The following SPINT2 variants were observed in gnomAD, a reference collection of about 807,000 sequenced individuals.
The protein encoded by SPINT2 is kunitz-type protease inhibitor 2.
A neutral mutation model predicts 30.1 loss-of-function variants in SPINT2; 18 were observed. The observed-to-expected ratio is 0.60, with a 90% CI of 0.41 to 0.89. The LOEUF (loss-of-function observed/expected upper bound fraction) is 0.89, where lower values mean the gene tolerates loss of function less well. Ranked by LOEUF, SPINT2 falls within the 40% of genes least tolerant of loss-of-function variation. The probability of loss-of-function intolerance (pLI) is 0.00; values close to 1 mark genes in which losing one functional copy is unlikely to be tolerated. For missense variants in SPINT2, 276 were observed against 334.3 expected (o/e 0.83, Z 1.36); for synonymous variants, 139 against 137.9 (o/e 1.01, Z -0.05).
At chr19:38,266,083 C>G (rs1343937407) in intron 1 of SPINT2, among the ~76,000 whole-genome samples, 1 of 152,164 alleles carries the variant, frequency 6.6e-6, no homozygotes, top group Non-Finnish European at 1.5e-5. Context: ...GAGGCAGTAG[C>G]CACACGGAGA....
chr19:38,287,853 G>C, intron 2 of SPINT2, 23 bp from the exon 3 acceptor site: 1 of 1,614,052 alleles, frequency 6.2e-7, no homozygotes, highest in Non-Finnish European at 8.5e-7. Context: ...CTTTCACTGT[G>C]CTGTTTCTTT....
chr19:38,265,705 T>C (rs1968369932), intron 1 of SPINT2: 1 of 152,332 alleles, frequency 6.6e-6, no homozygotes, highest in Non-Finnish European at 1.5e-5. Flanking sequence ...TTTGAACAAG[T>C]GTTGTTATAA....
intron 2 of SPINT2, among the ~76,000 whole-genome samples, chr19:38,285,215 G>A (rs1033939297): frequency 4.6e-5 from 7 of 152,116 alleles, no homozygotes; most frequent in East Asian, 1.9e-4. Context: ...TCCCAGCAGC[G>A]TGCCCTGGCT....
chr19:38,274,776 T>C (rs1294303934), intron 1 of SPINT2, among the ~76,000 whole-genome samples: 1 of 151,024 alleles, frequency 6.6e-6, no homozygotes, highest in Non-Finnish European at 1.5e-5. Context: ...GATCGCACTA[T>C]TGCATTCCAG....
intron 1 of SPINT2, among the ~76,000 whole-genome samples, chr19:38,268,238 G>A (rs1013342043): frequency 5.9e-5 from 9 of 152,168 alleles, no homozygotes; most frequent in Middle Eastern, 3.4e-3. Context: ...TGGACGGGCC[G>A]GACAAAGAGT....
chr19:38,266,001 G>A (rs1323379083), intron 1 of SPINT2, among the ~76,000 whole-genome samples: 2 of 152,234 alleles, frequency 1.3e-5, no homozygotes, highest in African/African-American at 2.4e-5. Context: ...AGATGTTGGG[G>A]GCGGCTTTAG....
Position 38,290,778 on chromosome 19 carries a change from A to G in SPINT2, c.592+203A>G, listed in dbSNP as rs1441640033. ...CAGTTGGGGCTGGAGTGAGTCAGTC[A>G]CAAGGCAGGCCCTGCCCAGGCGGCG... is the stretch of plus-strand genomic sequence containing the variant. On this transcript the variant is annotated intron_variant, in intron 6 of 6. Transcript: ENST00000301244. The surrounding 1 kb of genome is among the most constrained non-coding windows in gnomAD (Gnocchi z 4.3). The G allele has an allele frequency of 1.7e-5, 13 of 747,260 alleles. No homozygotes were observed. The highest frequency in any genetic ancestry group is 2.9e-5 in the Non-Finnish European group (13 of 447,014). 46.3% of individuals were successfully genotyped at this position (747,260 alleles called of 1,614,324 possible).
chr19:38,283,066 C>T (rs1316088910), intron 1 of SPINT2, among the ~76,000 whole-genome samples: 2 of 151,648 alleles, frequency 1.3e-5, no homozygotes, highest in Non-Finnish European at 1.5e-5. Flanking sequence ...GATCCCAGCA[C>T]TTTGGGAGGC....
At chr19:38,291,788 G>A in intron 6 of SPINT2, 52 bp from the exon 7 acceptor site, 1 of 1,599,356 alleles carries the variant, frequency 6.3e-7, no homozygotes. Context: ...GCGCCACTCT[G>A]GCTGCAACTC....
intron 1 of SPINT2, among the ~76,000 whole-genome samples, chr19:38,271,223 G>T (rs1182463919): frequency 1.3e-5 from 2 of 152,146 alleles, no homozygotes; most frequent in Non-Finnish European, 2.9e-5. Flanking sequence ...CGGGCGCGGT[G>T]GCTCATGCCT....
chr19:38,291,936 G>C lies in SPINT2; in HGVS notation c.689G>C (p.Arg230Pro). ...LIRVARRNQERALRTVWSSGD... is the reference protein window; with the variant it reads ...LIRVARRNQEPALRTVWSSGD... ...CGGGTGGCACGGAGGAACCAGGAGC[G>C]TGCCCTGCGCACCGTCTGGAGCTCC... Residue 230 changes from arginine to proline, a missense_variant, in exon 7 of 7, where the codon CGT becomes CCT. Arg to Pro is a moderately radical substitution (Grantham distance 103). Transcript: ENST00000301244. 1 of 1,614,084 alleles carries C rather than the reference G, an allele frequency of 6.2e-7. No individual in the cohort carries two copies.
chr19:38,269,789 T>C (rs1968429282), intron 1 of SPINT2, among the ~76,000 whole-genome samples: 1 of 135,338 alleles, frequency 7.4e-6, no homozygotes, highest in African/African-American at 2.9e-5. Context: ...TTTTGTATTT[T>C]TAGTAGAGAC....
intron 2 of SPINT2, among the ~76,000 whole-genome samples, chr19:38,287,336 C>T (rs139292423): frequency 0.029 from 4,445 of 152,264 alleles, 98 homozygotes; most frequent in East Asian, 0.085. Flanking sequence ...GTAGCTGGGA[C>T]TACAGGCGCG....
chr19:38,290,395 C>T lies in SPINT2; in HGVS notation c.553+115C>T. 6.3e-7 allele frequency: 1 copy of T among 1,580,516 alleles called. No individual in the cohort carries two copies. The highest frequency in any genetic ancestry group is 8.6e-7 in the Non-Finnish European group (1 of 1,162,080). ...GCTGTTCTTGGGCCCACCAGGGCAG[C>T]AAGGCCTCTAAGCCCCAGAAAAGCT... On this transcript the variant is annotated intron_variant, in intron 5 of 6. Transcript: ENST00000301244. The surrounding 1 kb of genome is among the most constrained non-coding windows in gnomAD (Gnocchi z 4.3).
intron 1 of SPINT2, chr19:38,265,449 C>G (rs3786872): frequency 0.21 from 32,299 of 153,348 alleles, 3,950 homozygotes; most frequent in South Asian, 0.37. Context: ...ACCCCTGCCT[C>G]TTTGGAGATT....
chr19:38,274,033 C>G (rs1968487500), intron 1 of SPINT2, among the ~76,000 whole-genome samples: 1 of 152,044 alleles, frequency 6.6e-6, no homozygotes, highest in Non-Finnish European at 1.5e-5. Flanking sequence ...GACTTCAATA[C>G]TAGTCTGGGC....
chr19:38,292,138 C>T lies in SPINT2; in HGVS notation c.*132C>T, dbSNP rs1306914914. ...GTTTCTCTGGGAGGTAGGACGGCTG[C>T]TTCCTGGTCTGGCAGGGATGGGTTT... On this transcript the variant is annotated 3_prime_UTR_variant, in exon 7 of 7. Transcript: ENST00000301244. 5 of 1,303,206 alleles carry T rather than the reference C, an allele frequency of 3.8e-6. No homozygotes were observed. The highest frequency in any genetic ancestry group is 4.2e-6 in the Non-Finnish European group (4 of 941,510). 80.7% of individuals were successfully genotyped at this position (1,303,206 alleles called of 1,614,324 possible). A position where few individuals can be genotyped will look rare whatever the true frequency, so the allele number is the denominator to read the frequency against.
chr19:38,289,513 A>AAAAAAAAAAAAAAAAAAAAAT (rs1968688044), intron 4 of SPINT2: 2 of 226,010 alleles, frequency 8.8e-6, no homozygotes, highest in Non-Finnish European at 1.7e-5. Context: ...AAAAAAAAAA[A>AAAAAAAAAAAAAAAAAAAAAT]CTCCGAAGAA....
intron 1 of SPINT2, among the ~76,000 whole-genome samples, chr19:38,267,127 G>A (rs1968388620): frequency 6.6e-6 from 1 of 152,210 alleles, no homozygotes. Context: ...TGTTCAGAGT[G>A]GCCTACCTGA....
Sources: gnomAD v4.1 joint callset for allele counts (sites outside exome capture counted in the v4.1 genomes callset) on GRCh38, gnomAD v4.1.1 for gene constraint, Gnocchi (gnomAD v3.1) non-coding constraint, MANE v1.5 for transcripts, NCBI Gene and HGNC (gene_info 2026-07-23, HGNC 2026-07-21) for gene names.